ANKRD6: variants seen among roughly 807,000 people sequenced by gnomAD.
ANKRD6 encodes ankyrin repeat domain-containing protein 6.
In ANKRD6, 56 loss-of-function variants were observed where a neutral mutation model predicts 82.3. The observed-to-expected ratio is 0.68, with a 90% CI of 0.55 to 0.85. The LOEUF is 0.85. Ranked by LOEUF, ANKRD6 falls within the 40% of genes least tolerant of loss-of-function variation. ANKRD6 has a pLI of 0.00. For missense variants in ANKRD6, 852 were observed against 907.6 expected (o/e 0.94, Z 0.79); for synonymous variants, 347 against 352.1 (o/e 0.99, Z 0.16).
At chr6:89,467,959 G>A (rs1775034581) in intron 1 of ANKRD6, among the ~76,000 whole-genome samples, 2 of 152,154 alleles carry the variant, frequency 1.3e-5, no homozygotes, top group African/African-American at 4.8e-5. Flanking sequence ...ATTTAAAACA[G>A]CCATAAAAAT....
chr6:89,493,369 C>T (rs1431860770), intron 1 of ANKRD6, among the ~76,000 whole-genome samples: 2 of 151,882 alleles, frequency 1.3e-5, no homozygotes, highest in Admixed American at 1.3e-4. Flanking sequence ...TTCTGTGTGT[C>T]TCTGTGTGTC....
At chr6:89,608,368 C>CTATA (rs1554260576) in intron 5 of ANKRD6, among the ~76,000 whole-genome samples, 10 of 130,774 alleles carry the variant, frequency 7.6e-5, no homozygotes, top group African/African-American at 2.1e-4. Context: ...CACACACACA[C>CTATA]TATATATATA....
At chr6:89,590,959 T>G (rs1454914086) in intron 2 of ANKRD6, among the ~76,000 whole-genome samples, 1 of 152,226 alleles carries the variant, frequency 6.6e-6, no homozygotes, top group African/African-American at 2.4e-5. Context: ...CAATAAATTC[T>G]GGCCGCTGCT....
At chr6:89,541,140 T>C (rs552957862) in intron 1 of ANKRD6, among the ~76,000 whole-genome samples, 1 of 150,622 alleles carries the variant, frequency 6.6e-6, no homozygotes, top group East Asian at 1.9e-4. Context: ...AATTTTAGGA[T>C]TTTTTTTTCT....
intron 2 of ANKRD6, among the ~76,000 whole-genome samples, chr6:89,592,438 C>T (rs952983902): frequency 1.3e-5 from 2 of 152,102 alleles, no homozygotes; most frequent in Non-Finnish European, 1.5e-5. Context: ...GGGGATTAAG[C>T]ACCAAATGAC....
At chr6:89,598,659 G>C (rs768821861) in intron 3 of ANKRD6, among the ~76,000 whole-genome samples, 1 of 152,176 alleles carries the variant, frequency 6.6e-6, no homozygotes, top group African/African-American at 2.4e-5. Context: ...AAATCCCAAA[G>C]TGAGAAACAC....
chr6:89,583,177 TCC>T (rs1196371931), intron 2 of ANKRD6, among the ~76,000 whole-genome samples: 1 of 152,178 alleles, frequency 6.6e-6, no homozygotes, highest in Non-Finnish European at 1.5e-5. Context: ...TTCAGAGCCT[TCC>T]ATGCAGGGCA....
intron 9 of ANKRD6, chr6:89,618,288 T>C: frequency 1.5e-6 from 1 of 648,646 alleles, no homozygotes; most frequent in Non-Finnish European, 2.8e-6. Flanking sequence ...GCCTAGGTCA[T>C]AGTTTCCCAG....
rs71024387 is a variant in ANKRD6, at chr6:89,623,035, A to AG, written c.898-369dup. Among the ~76,000 whole-genome samples, 35 of 56,360 alleles carry AG rather than the reference A, an allele frequency of 6.2e-4. No individual in the cohort carries two copies. In the East Asian group the frequency reaches 0.011, roughly 17 times the overall value. 37.0% of individuals were successfully genotyped at this position (56,360 alleles called of 152,430 possible). The stretch of plus-strand genomic sequence containing the variant: ...GGGAGTGGGGGGTGGGGGGGGCGGG[A>AG]GGGGGGCTGCATCCGAGGTCAAAGA... On this transcript the variant is annotated intron_variant, in intron 10 of 15. Transcript: ENST00000339746.
intron 1 of ANKRD6, among the ~76,000 whole-genome samples, chr6:89,550,370 A>G (rs956793313): frequency 3.3e-5 from 5 of 152,354 alleles, no homozygotes; most frequent in Non-Finnish European, 7.3e-5. Flanking sequence ...TGAAAGAATC[A>G]TAACAATATT....
chr6:89,473,275 G>A (rs1359069644), intron 1 of ANKRD6, among the ~76,000 whole-genome samples: 2 of 152,004 alleles, frequency 1.3e-5, no homozygotes, highest in Admixed American at 6.6e-5. Flanking sequence ...GCCAGGCATG[G>A]CGGCGTATGC....
chr6:89,557,237 A>G (rs1562805344), intron 1 of ANKRD6, among the ~76,000 whole-genome samples: 1 of 152,152 alleles, frequency 6.6e-6, no homozygotes, highest in Admixed American at 6.5e-5. Context: ...GATTGAGGGT[A>G]AAGAAGTAGA....
At chr6:89,545,247 G>C (rs1784949244) in intron 1 of ANKRD6, among the ~76,000 whole-genome samples, 1 of 151,286 alleles carries the variant, frequency 6.6e-6, no homozygotes, top group African/African-American at 2.4e-5. Context: ...AAAAAGGGCT[G>C]TTTCTACTGG....
intron 1 of ANKRD6, among the ~76,000 whole-genome samples, chr6:89,552,639 A>C (rs1786008889): frequency 6.6e-6 from 1 of 152,048 alleles, no homozygotes; most frequent in Non-Finnish European, 1.5e-5. Context: ...GCATACATAC[A>C]CCCTAATATT....
At chr6:89,503,650 G>C (rs1343835357) in intron 1 of ANKRD6, among the ~76,000 whole-genome samples, 2 of 152,202 alleles carry the variant, frequency 1.3e-5, no homozygotes, top group East Asian at 1.9e-4. Flanking sequence ...GCCAGAGAGG[G>C]TGACAAATGG....
At chr6:89,526,552 A>G (rs983774021) in intron 1 of ANKRD6, among the ~76,000 whole-genome samples, 12 of 152,220 alleles carry the variant, frequency 7.9e-5, no homozygotes, top group Admixed American at 4.6e-4. Flanking sequence ...GATCTGCAAG[A>G]AACATATGCC....
chr6:89,585,660 G>A (rs1246371705), intron 2 of ANKRD6, among the ~76,000 whole-genome samples: 1 of 152,234 alleles, frequency 6.6e-6, no homozygotes, highest in Non-Finnish European at 1.5e-5. Flanking sequence ...TGTAATCCCA[G>A]CACTTTGGGA....
chr6:89,463,147 C>T (rs768744864), intron 1 of ANKRD6, among the ~76,000 whole-genome samples: 1 of 152,132 alleles, frequency 6.6e-6, no homozygotes, highest in Non-Finnish European at 1.5e-5. Context: ...GGATTACAGC[C>T]ATGAGCCATC....
intron 1 of ANKRD6, among the ~76,000 whole-genome samples, chr6:89,503,959 G>A (rs1351112616): frequency 1.3e-5 from 2 of 152,068 alleles, no homozygotes; most frequent in Non-Finnish European, 2.9e-5. Context: ...GAGGTAAGTG[G>A]GGAGCAGACG....
Sources: allele counts gnomAD v4.1 joint callset (sites outside exome capture counted in the v4.1 genomes callset), GRCh38; gene constraint gnomAD v4.1.1; transcripts MANE v1.5; gene names NCBI Gene and HGNC (gene_info 2026-07-23, HGNC 2026-07-21).